The following MAMDC2 variants were observed in gnomAD, a reference collection of about 807,000 sequenced individuals.
MAMDC2 encodes MAM domain containing 2, also known as MAM domain-containing protein 2.
In MAMDC2, 57 loss-of-function variants were observed where a neutral mutation model predicts 89.8. That is an observed-to-expected ratio of 0.63 (90% CI 0.51 to 0.79). The LOEUF is 0.79. MAMDC2 is among the 30% of genes least tolerant of loss of function. MAMDC2 has a pLI of 0.00. For synonymous variants in MAMDC2, 313 were observed against 293.4 expected, an observed-to-expected ratio of 1.07 and a Z score of -0.68; for missense variants, 800 against 820.6, an observed-to-expected ratio of 0.97 and a Z score of 0.31.
chr9:70,059,397 A>ACT (rs1441940605), intron 2 of MAMDC2, among the ~76,000 whole-genome samples: 1 of 152,208 alleles, frequency 6.6e-6, no homozygotes, highest in Non-Finnish European at 1.5e-5. Context: ...AGTTCATGCT[A>ACT]TGGGACATGA....
intron 11 of MAMDC2, among the ~76,000 whole-genome samples, chr9:70,186,397 T>G (rs1027080044): frequency 2.6e-5 from 4 of 152,212 alleles, no homozygotes; most frequent in Non-Finnish European, 5.9e-5. Context: ...CCTTTACATT[T>G]GAAGGATAGT....
chr9:70,191,357 A>AT (rs901803114), intron 11 of MAMDC2, among the ~76,000 whole-genome samples: 2 of 151,104 alleles, frequency 1.3e-5, no homozygotes, highest in Non-Finnish European at 1.5e-5. Context: ...TGTTTTATCT[A>AT]TTTTTTTAAA....
intron 2 of MAMDC2, among the ~76,000 whole-genome samples, chr9:70,098,178 C>T (rs889353372): frequency 6.6e-6 from 1 of 152,152 alleles, no homozygotes; most frequent in Non-Finnish European, 1.5e-5. Context: ...TGGACTGTGC[C>T]TTGTACAAGC....
In MAMDC2 at chr9:70,208,760, G is replaced by C. The variant is rs537866307; in HGVS notation, c.1652-9577G>C. 4.0e-5 allele frequency among the ~76,000 whole-genome samples: 6 copies of C among 151,236 alleles called. No homozygotes were observed. The East Asian group carries it at 1.2e-3, about 29-fold the overall frequency. On this transcript the variant is annotated intron_variant, in intron 11 of 13. Coordinates refer to ENST00000377182, the MANE Select transcript of MAMDC2 (RefSeq NM_153267.5). ...GTTTTTGTCCATTCAGTATGATATT[G>C]GCTGTGGGTTTGTCATAGATAGCTA...
chr9:70,107,349 G>A (rs940777207), intron 2 of MAMDC2, among the ~76,000 whole-genome samples: 7 of 152,030 alleles, frequency 4.6e-5, no homozygotes, highest in African/African-American at 1.7e-4. Context: ...GAAGGAGAAT[G>A]AACAGAGGAA....
At chr9:70,090,185 G>T (rs890934087) in intron 2 of MAMDC2, among the ~76,000 whole-genome samples, 2 of 151,624 alleles carry the variant, frequency 1.3e-5, no homozygotes, top group Non-Finnish European at 2.9e-5. Context: ...CATACAAAAA[G>T]ATGTCATCTG....
chr9:70,058,631 T>C (rs1294343189), intron 2 of MAMDC2, among the ~76,000 whole-genome samples: 1 of 151,930 alleles, frequency 6.6e-6, no homozygotes, highest in Non-Finnish European at 1.5e-5. Context: ...AGCAGGGCTA[T>C]ATTTTGTAAC....
At chr9:70,189,524 T>G (rs2032833303) in intron 11 of MAMDC2, among the ~76,000 whole-genome samples, 1 of 152,182 alleles carries the variant, frequency 6.6e-6, no homozygotes, top group Non-Finnish European at 1.5e-5. Flanking sequence ...TCATTGTCTT[T>G]GGCTTGTAAC....
At chr9:70,167,915 A>T (rs1276629430) in intron 9 of MAMDC2, among the ~76,000 whole-genome samples, 1 of 152,212 alleles carries the variant, frequency 6.6e-6, no homozygotes, top group South Asian at 2.1e-4. Flanking sequence ...ATGGCAAATC[A>T]CCAGGACTTT....
At chr9:70,094,899 C>A (rs1271079186) in intron 2 of MAMDC2, among the ~76,000 whole-genome samples, 1 of 152,176 alleles carries the variant, frequency 6.6e-6, no homozygotes, top group Non-Finnish European at 1.5e-5. Flanking sequence ...CTGAAAAAAG[C>A]AGTATCTAAA....
chr9:70,197,138 G>T (rs1057321892), intron 11 of MAMDC2, among the ~76,000 whole-genome samples: 2 of 152,056 alleles, frequency 1.3e-5, no homozygotes, highest in Non-Finnish European at 2.9e-5. Context: ...TCACTGCCTT[G>T]TATTTGATCA....
chr9:70,208,069 G>C (rs867268216), intron 11 of MAMDC2, among the ~76,000 whole-genome samples: 139 of 152,262 alleles, frequency 9.1e-4, no homozygotes, highest in African/African-American at 3.2e-3. Context: ...GTAGCGTAAT[G>C]CTTCCAGCTT....
At chr9:70,079,928 CAG>C (rs1303088132) in intron 2 of MAMDC2, among the ~76,000 whole-genome samples, 2 of 152,146 alleles carry the variant, frequency 1.3e-5, no homozygotes, top group Admixed American at 6.5e-5. Flanking sequence ...TGTCTGCAAA[CAG>C]AGCTTCTTGG....
intron 3 of MAMDC2, chr9:70,109,307 ACCT>A (rs1828436518): frequency 6.1e-6 from 1 of 163,276 alleles, no homozygotes; most frequent in East Asian, 1.8e-4. Context: ...AGCAGTTATC[ACCT>A]CCTAAATCTG....
At chr9:70,223,619 T>C (rs1288890149) in intron 12 of MAMDC2, among the ~76,000 whole-genome samples, 1 of 152,216 alleles carries the variant, frequency 6.6e-6, no homozygotes, top group Non-Finnish European at 1.5e-5. Context: ...AATATTGCCA[T>C]GTTTCCCTTA....
At chr9:70,100,021 A>AGAGAGAGAGAGCGAGC (rs1316783544) in intron 2 of MAMDC2, among the ~76,000 whole-genome samples, 1 of 144,410 alleles carries the variant, frequency 6.9e-6, no homozygotes, top group East Asian at 2.1e-4. Flanking sequence ...AGAGAGAGAG[A>AGAGAGAGAGAGCGAGC]GAGCACAAGC....
At chr9:70,212,169 G>A (rs948692459) in intron 11 of MAMDC2, among the ~76,000 whole-genome samples, 4 of 152,216 alleles carry the variant, frequency 2.6e-5, no homozygotes, top group Non-Finnish European at 4.4e-5. Flanking sequence ...AGACAGGGAC[G>A]TTTAAGTCTG....
chr9:70,171,927 C>T (rs1386963920), intron 11 of MAMDC2: 1 of 152,188 alleles, frequency 6.6e-6, no homozygotes. Context: ...CACATGCAAC[C>T]TGTGGGCTGC....
At chr9:70,056,735 T>C (rs575940892) in intron 2 of MAMDC2, among the ~76,000 whole-genome samples, 35 of 152,252 alleles carry the variant, frequency 2.3e-4, no homozygotes, top group African/African-American at 7.2e-4. Flanking sequence ...ACAGCAGGAT[T>C]GAGCAGCAGG....
Sources: gnomAD v4.1 joint callset for allele counts (sites outside exome capture counted in the v4.1 genomes callset) on GRCh38, gnomAD v4.1.1 for gene constraint, MANE v1.5 for transcripts, NCBI Gene and HGNC (gene_info 2026-07-23, HGNC 2026-07-21) for gene names.